The following RABGEF1 variants were observed in gnomAD, a reference collection of about 807,000 sequenced individuals.
RABGEF1 encodes RAB guanine nucleotide exchange factor 1, also known as rab5 GDP/GTP exchange factor.
Under a neutral mutation model 57.3 loss-of-function variants are expected in RABGEF1, and 26 were observed. That is an observed-to-expected ratio of 0.45 (90% CI 0.33 to 0.63). RABGEF1 has a LOEUF of 0.63. Among genes scored for constraint, RABGEF1 ranks in the 20% least tolerant of loss-of-function variants. The pLI, the probability that RABGEF1 is intolerant of heterozygous loss-of-function variation, is 0.02. For missense variants in RABGEF1, 464 were observed against 607.6 expected (o/e 0.76, Z 2.48); for synonymous variants, 185 against 210.7 (o/e 0.88, Z 1.06).
At chr7:66,735,604 G>A (rs566690852) in intron 2 of RABGEF1, among the ~76,000 whole-genome samples, 1 of 152,186 alleles carries the variant, frequency 6.6e-6, no homozygotes, top group South Asian at 2.1e-4. Flanking sequence ...TGTGGGGGGG[G>A]TTTCCCCTTT....
chr7:66,665,740 G>A, the RABGEF1 span, among the ~76,000 whole-genome samples: 1 of 152,228 alleles, frequency 6.6e-6, no homozygotes, highest in Non-Finnish European at 1.5e-5. Context: ...CTGGGCAAGT[G>A]TGTTGTTGTA....
At chr7:66,728,753 C>G in intron 2 of RABGEF1, among the ~76,000 whole-genome samples, 1 of 2,298 alleles carries the variant, frequency 4.4e-4, no homozygotes, top group Non-Finnish European at 9.4e-4. Flanking sequence ...CTCACCTCGA[C>G]CCTCACCGCC....
At chr7:66,788,264 G>C (rs1341482379) in intron 4 of RABGEF1, among the ~76,000 whole-genome samples, 2 of 152,040 alleles carry the variant, frequency 1.3e-5, no homozygotes, top group African/African-American at 2.4e-5. Flanking sequence ...GGCCAATATG[G>C]TGAAACCCTG....
chr7:66,810,498 G>T lies in RABGEF1; in HGVS notation c.*1214G>T, dbSNP rs1350503859. 1 of 152,170 alleles carries T rather than the reference G, an allele frequency of 6.6e-6. No individual in the cohort carries two copies. Among genetic ancestry groups the T allele is most frequent in the Non-Finnish European group, 1.5e-5 (1 of 68,046 alleles). The allele number at this position is 152,170 out of a possible 1,614,324, so 9.4% of individuals were successfully genotyped here. A position where few individuals can be genotyped will look rare whatever the true frequency, so the allele number is the denominator to read the frequency against. Reference sequence around the variant, plus strand: ...TTTACAAACCAGGAGTTATCCTCCTGGTGGTTAATATGGTGTAACCAAAGA... The same window carrying T: ...TTTACAAACCAGGAGTTATCCTCCTTGTGGTTAATATGGTGTAACCAAAGA... On this transcript the variant is annotated 3_prime_UTR_variant, in exon 9 of 9. Transcript: ENST00000284957.
chr7:66,670,247 A>G, the RABGEF1 span, among the ~76,000 whole-genome samples: 1 of 151,844 alleles, frequency 6.6e-6, no homozygotes, highest in Admixed American at 6.6e-5. Flanking sequence ...CTTTGCCTGG[A>G]TGCTCTTCCC....
intron 1 of RABGEF1, among the ~76,000 whole-genome samples, chr7:66,682,417 C>T (rs1014548593): frequency 2.6e-5 from 4 of 152,226 alleles, no homozygotes; most frequent in African/African-American, 7.2e-5. Flanking sequence ...TCAGCGCCGC[C>T]TGCCCCGTTT....
chr7:66,677,026 G>A, the RABGEF1 span, among the ~76,000 whole-genome samples: 1 of 152,056 alleles, frequency 6.6e-6, no homozygotes, highest in African/African-American at 2.4e-5. Flanking sequence ...TTACCTCCAG[G>A]TTTTCTTCTA....
chr7:66,751,552 C>T (rs1585148177), intron 1 of RABGEF1, among the ~76,000 whole-genome samples: 1 of 152,214 alleles, frequency 6.6e-6, no homozygotes. Flanking sequence ...TGGGGCTGAT[C>T]ACCTAATACT....
chr7:66,660,989 A>G, the RABGEF1 span, among the ~76,000 whole-genome samples: 7 of 151,892 alleles, frequency 4.6e-5, no homozygotes, highest in Non-Finnish European at 1.0e-4. Context: ...ACTTTGGGAG[A>G]TTAAGGCAGG....
At chr7:66,725,199 G>A (rs1364958753) in intron 2 of RABGEF1, among the ~76,000 whole-genome samples, 1 of 152,046 alleles carries the variant, frequency 6.6e-6, no homozygotes. Flanking sequence ...GCTTTATCAA[G>A]ATACACTTTA....
rs117517487 is a variant in RABGEF1, at chr7:66,764,948, A to C, written c.-17-6935A>C. On this transcript the variant is annotated intron_variant, in intron 1 of 8. Coordinates refer to ENST00000284957, the MANE Select transcript of RABGEF1 (RefSeq NM_014504.3). Reference sequence around the variant, plus strand: ...GTTTTGGCCATTCTGGGCCCTTGTTATCTTCTGCATTTTAGAGTTCATGTG... The same window carrying C: ...GTTTTGGCCATTCTGGGCCCTTGTTCTCTTCTGCATTTTAGAGTTCATGTG... 6.5e-3 allele frequency among the ~76,000 whole-genome samples: 997 copies of C among 152,248 alleles called. 2 individuals carry two copies. The highest frequency in any genetic ancestry group is 0.017 in the Middle Eastern group (5 of 294).
At chr7:66,732,714 ACTCTCTCTCG>A (rs1334969081) in intron 2 of RABGEF1, among the ~76,000 whole-genome samples, 2 of 148,350 alleles carry the variant, frequency 1.3e-5, no homozygotes, top group South Asian at 2.1e-4. Flanking sequence ...TCTCTCGCTC[ACTCTCTCTCG>A]CTCTCTCTCT....
intron 1 of RABGEF1, among the ~76,000 whole-genome samples, chr7:66,760,446 T>A (rs1804010205): frequency 6.6e-6 from 1 of 150,780 alleles, no homozygotes; most frequent in South Asian, 2.1e-4. Flanking sequence ...GCATGTATTT[T>A]TTTTTTTTTT....
intron 1 of RABGEF1, among the ~76,000 whole-genome samples, chr7:66,764,547 T>A (rs1206678836): frequency 1.3e-5 from 2 of 152,200 alleles, no homozygotes; most frequent in East Asian, 3.8e-4. Flanking sequence ...ATCATGAAAA[T>A]TTTACCTCTA....
chr7:66,732,714 ACTCT>A (rs762519718), intron 2 of RABGEF1, among the ~76,000 whole-genome samples: 2 of 148,350 alleles, frequency 1.3e-5, no homozygotes, highest in African/African-American at 2.5e-5. Flanking sequence ...TCTCTCGCTC[ACTCT>A]CTCTCGCTCT....
Position 66,809,027 on chromosome 7 carries a change from G to A in RABGEF1, c.1219G>A (p.Val407Ile), listed in dbSNP as rs569900333. The part of the protein sequence containing the change: ...ESWSPDACLG[V>I]KQMYKNLDLL... ...TTGGTCTCCTGATGCTTGCTTAGGC[G>A]TCAAGCAAATGTATAAGAACTTGGA... The change falls in exon 9 of 9, where the codon GTC becomes ATC. Residue 407 changes from valine (V) to isoleucine (I), a missense_variant. Physicochemically the swap from Val to Ile is conservative, Grantham distance 29. Transcript: ENST00000284957. 21 of 1,614,104 alleles carry A rather than the reference G, an allele frequency of 1.3e-5. No homozygotes were observed. The highest frequency in any genetic ancestry group is 5.0e-5 in the Admixed American group (3 of 60,018).
intron 2 of RABGEF1, 149 bp from the exon 3 acceptor site, chr7:66,775,078 T>C: frequency 3.7e-6 from 3 of 812,918 alleles, no homozygotes; most frequent in Non-Finnish European, 5.7e-6. Context: ...GTCCATCCTG[T>C]AGCAATGTGA....
the RABGEF1 span, among the ~76,000 whole-genome samples, chr7:66,676,281 TC>T: frequency 2.0e-5 from 3 of 149,662 alleles, no homozygotes; most frequent in African/African-American, 7.3e-5. Context: ...AGACTTCGTT[TC>T]AAAAAATATA....
chr7:66,741,723 G>T (rs1160490776), intron 1 of RABGEF1, among the ~76,000 whole-genome samples: 1 of 152,078 alleles, frequency 6.6e-6, no homozygotes, highest in Non-Finnish European at 1.5e-5. Flanking sequence ...TTCGACATGG[G>T]ATCTCACAGT....
Sources: allele counts gnomAD v4.1 joint callset (sites outside exome capture counted in the v4.1 genomes callset), GRCh38; gene constraint gnomAD v4.1.1; transcripts MANE v1.5; gene names NCBI Gene and HGNC (gene_info 2026-07-23, HGNC 2026-07-21).